The following MBD5 variants were observed in gnomAD, a reference collection of about 807,000 sequenced individuals.
The protein encoded by MBD5 is methyl-CpG binding domain protein 5.
Under a neutral mutation model 117.3 loss-of-function variants are expected in MBD5, and 13 were observed. The ratio of observed to expected loss-of-function variants is 0.11; its 90% CI spans 0.07 to 0.18. MBD5 has a LOEUF of 0.18. Ranked by LOEUF, MBD5 falls within the 10% of genes least tolerant of loss-of-function variation. The pLI, the probability that MBD5 is intolerant of heterozygous loss-of-function variation, is 1.00. For missense variants in MBD5, 1,879 were observed against 2,093.8 expected, an observed-to-expected ratio of 0.90 and a Z score of 2.00; for synonymous variants, 727 against 766.4, an observed-to-expected ratio of 0.95 and a Z score of 0.85.
At chr2:148,261,212 C>CCTCTA (rs1014858785) in intron 3 of MBD5, among the ~76,000 whole-genome samples, 1 of 152,116 alleles carries the variant, frequency 6.6e-6, no homozygotes, top group African/African-American at 2.4e-5. Context: ...ACTGCATTAG[C>CCTCTA]CTCTAACAAG....
intron 4 of MBD5, among the ~76,000 whole-genome samples, chr2:148,348,606 A>G (rs1040746015): frequency 5.3e-5 from 8 of 152,042 alleles, no homozygotes; most frequent in Admixed American, 1.3e-4. Flanking sequence ...ATCTAAACAT[A>G]CTAAGTAATA....
At chr2:148,169,060 C>T (rs1484671845) in intron 1 of MBD5, among the ~76,000 whole-genome samples, 3 of 151,124 alleles carry the variant, frequency 2.0e-5, no homozygotes, top group African/African-American at 7.3e-5. Context: ...TTGAAAGGTA[C>T]TAGCAAGAAT....
At chr2:148,443,067 A>G (rs970907157) in intron 4 of MBD5, among the ~76,000 whole-genome samples, 1 of 151,394 alleles carries the variant, frequency 6.6e-6, no homozygotes, top group Non-Finnish European at 1.5e-5. Flanking sequence ...TAATAGTCTG[A>G]TTTAATAATG....
chr2:148,031,042 T>C (rs1469569642), intron 1 of MBD5, among the ~76,000 whole-genome samples: 2 of 152,176 alleles, frequency 1.3e-5, no homozygotes, highest in East Asian at 1.9e-4. Context: ...ATGGCAGTTA[T>C]AAAGTGGTAG....
At chr2:148,461,202 G>C (rs1189833297) in intron 5 of MBD5, among the ~76,000 whole-genome samples, 1 of 152,110 alleles carries the variant, frequency 6.6e-6, no homozygotes, top group Non-Finnish European at 1.5e-5. Flanking sequence ...CAAAGTGCTG[G>C]GTTTACAGGC....
intron 10 of MBD5, among the ~76,000 whole-genome samples, chr2:148,487,067 A>G (rs1681361483): frequency 6.6e-6 from 1 of 152,238 alleles, no homozygotes; most frequent in African/African-American, 2.4e-5. Flanking sequence ...TAAGTATATT[A>G]TGGTACAGTA....
intron 1 of MBD5, among the ~76,000 whole-genome samples, chr2:148,039,959 T>A (rs565597796): frequency 6.6e-6 from 1 of 152,190 alleles, no homozygotes; most frequent in African/African-American, 2.4e-5. Flanking sequence ...TATTGTCTAG[T>A]TTGATTCAAA....
intron 3 of MBD5, among the ~76,000 whole-genome samples, chr2:148,256,290 T>C (rs1355272127): frequency 6.6e-6 from 1 of 152,216 alleles, no homozygotes; most frequent in Non-Finnish European, 1.5e-5. Flanking sequence ...CAATTTCCAG[T>C]GTAGCCACAA....
At chr2:148,294,501 G>GTTTTTTTTTTTTTGTTTTTTTT (rs761709621) in intron 3 of MBD5, among the ~76,000 whole-genome samples, 58 of 113,254 alleles carry the variant, frequency 5.1e-4, no homozygotes, top group Non-Finnish European at 7.1e-4. Flanking sequence ...TGGGATTACA[G>GTTTTTTTTTTTTTGTTTTTTTT]TTTTTTTTTT....
intron 4 of MBD5, among the ~76,000 whole-genome samples, chr2:148,401,008 A>G (rs550922588): frequency 1.3e-5 from 2 of 152,330 alleles, no homozygotes; most frequent in Admixed American, 6.5e-5. Context: ...TTGTTTAGTC[A>G]ATAATAAATA....
At chr2:148,124,747 A>T (rs1183591454) in intron 1 of MBD5, among the ~76,000 whole-genome samples, 1 of 152,004 alleles carries the variant, frequency 6.6e-6, no homozygotes, top group Admixed American at 6.6e-5. Flanking sequence ...CAAAATGCAA[A>T]ATTTTTTGTA....
At chr2:148,341,336 GTT>G (rs368103489) in intron 3 of MBD5, among the ~76,000 whole-genome samples, 1 of 147,790 alleles carries the variant, frequency 6.8e-6, no homozygotes, top group African/African-American at 2.5e-5. Context: ...TTTAATGTAA[GTT>G]TTTTTTTTTC....
At chr2:148,213,463 A>G (rs904386583) in intron 2 of MBD5, among the ~76,000 whole-genome samples, 6 of 152,196 alleles carry the variant, frequency 3.9e-5, no homozygotes, top group African/African-American at 1.4e-4. Flanking sequence ...GGAGGACTTA[A>G]CAACAGTAAC....
In MBD5 at chr2:148,463,889, C is replaced by G. The variant is rs766553748; in HGVS notation, c.367C>G (p.Leu123Val). 1 of 1,613,624 alleles carries G rather than the reference C, an allele frequency of 6.2e-7. No individual in the cohort carries two copies. The highest frequency in any genetic ancestry group is 2.2e-5 in the East Asian group (1 of 44,858). The change falls in exon 7 of 14, where the codon CTG becomes GTG. Residue 123 changes from leucine (L) to valine (V), a missense_variant. Physicochemically the swap from Leu to Val is conservative, Grantham distance 32 (BLOSUM62 1). This residue lies in a region of MBD5 where 1,666 missense variants were observed against 1,792.2 expected (regional missense o/e 0.93). Coordinates refer to ENST00000642680, the MANE Select transcript of MBD5 (RefSeq NM_001378120.1). ...AAGCATGGAAGCCCCACATCCTTCT[C>G]TGGTGCTCACCAGTCCCGGAGGAGG... ...HKSMEAPHPS[L>V]VLTSPGGGTN... is the part of the protein sequence containing the mutation.
At chr2:148,405,833 TG>T in intron 4 of MBD5, among the ~76,000 whole-genome samples, 1 of 152,138 alleles carries the variant, frequency 6.6e-6, no homozygotes, top group Non-Finnish European at 1.5e-5. Context: ...TAACAGTTGC[TG>T]GTAGCTGGGC....
At chr2:148,371,801 T>C (rs1703859283) in intron 4 of MBD5, among the ~76,000 whole-genome samples, 1 of 152,134 alleles carries the variant, frequency 6.6e-6, no homozygotes, top group Non-Finnish European at 1.5e-5. Context: ...ACTTTTTCCC[T>C]CCATCAGTGT....
intron 3 of MBD5, among the ~76,000 whole-genome samples, chr2:148,259,684 G>A (rs375179277): frequency 5.9e-5 from 9 of 152,112 alleles, no homozygotes; most frequent in African/African-American, 1.9e-4. Context: ...CAGCATTACC[G>A]GGGTAATTAT....
chr2:148,448,012 G>A (rs1706619895), intron 4 of MBD5, among the ~76,000 whole-genome samples: 1 of 152,010 alleles, frequency 6.6e-6, no homozygotes, highest in South Asian at 2.1e-4. Flanking sequence ...TCTCCAACCT[G>A]AGTACTTTGT....
chr2:148,149,875 TC>T (rs1243174187), intron 1 of MBD5, among the ~76,000 whole-genome samples: 3 of 148,280 alleles, frequency 2.0e-5, no homozygotes, highest in Non-Finnish European at 4.5e-5. Context: ...GAAAATTTTC[TC>T]CCATTTTGTA....
Sources: allele counts gnomAD v4.1 joint callset (sites outside exome capture counted in the v4.1 genomes callset), GRCh38; gene constraint gnomAD v4.1.1; regional missense constraint gnomAD v4.1.1; transcripts MANE v1.5; gene names NCBI Gene and HGNC (gene_info 2026-07-23, HGNC 2026-07-21).